Variants in PRDM2 observed in about 807,000 individuals in gnomAD.
The protein encoded by PRDM2 is PR domain zinc finger protein 2.
A neutral mutation model predicts 130.0 loss-of-function variants in PRDM2; 30 were observed. That is an observed-to-expected ratio of 0.23 (90% CI 0.17 to 0.31). The LOEUF (loss-of-function observed/expected upper bound fraction) is 0.31, where lower values mean the gene tolerates loss of function less well. PRDM2 is among the 10% of genes least tolerant of loss of function. The pLI is 1.00. For synonymous variants in PRDM2, 871 were observed against 782.4 expected (o/e 1.11, Z -1.89); for missense variants, 2,011 against 2,108.4 (o/e 0.95, Z 0.90).
Position 13,781,870 on chromosome 1 carries a change from A to G in PRDM2, c.4075A>G (p.Ser1359Gly). 6.2e-7 allele frequency: 1 copy of G among 1,614,202 alleles called. No individual in the cohort carries two copies. Among genetic ancestry groups the G allele is most frequent in the Non-Finnish European group, 8.5e-7 (1 of 1,180,026 alleles). ...ACATATCCTGGCTTGTGCTTCTGCAAGTGACAAGAAGAGGTACACGCCTAA... is the reference window on the plus strand; with the variant it reads ...ACATATCCTGGCTTGTGCTTCTGCAGGTGACAAGAAGAGGTACACGCCTAA... ...HKHILACASA[S>G]DKKRYTPKKN... is the part of the protein sequence containing the mutation. The change falls in exon 8 of 10, where the codon AGT (serine) becomes GGT (glycine). Residue 1359 changes from serine (S) to glycine (G), a missense_variant. Transcript: ENST00000311066. This position sits in a 1 kb window ranked among gnomAD's most constrained non-coding sequence, Gnocchi z 6.1.
intron 6 of PRDM2, chr1:13,770,312 T>TA (rs1295251266): frequency 4.1e-6 from 2 of 492,274 alleles, no homozygotes; most frequent in Non-Finnish European, 8.1e-6. Flanking sequence ...GAATAAAACT[T>TA]AAAATAGCAC....
At chr1:13,752,868 G>C (rs1051651344) in intron 6 of PRDM2, among the ~76,000 whole-genome samples, 2 of 152,166 alleles carry the variant, frequency 1.3e-5, no homozygotes, top group African/African-American at 4.8e-5. Flanking sequence ...TCATCATATC[G>C]ATGATGCTTG....
chr1:13,823,308 C>T lies in PRDM2; in HGVS notation c.*173C>T. On this transcript the variant is annotated 3_prime_UTR_variant, in exon 10 of 10. Transcript: ENST00000311066. ...GTGCGTGCGTGTGTGTTCACGTGTT[C>T]TCGTGCGGGCGCGTGAGTGGTCTTC... 2 of 1,188,862 alleles carry T rather than the reference C, an allele frequency of 1.7e-6. No homozygotes were observed. The highest frequency in any genetic ancestry group is 2.4e-6 in the Non-Finnish European group (2 of 818,592). 73.6% of individuals were successfully genotyped at this position (1,188,862 alleles called of 1,614,324 possible).
In PRDM2 at chr1:13,752,664, T is replaced by C. The variant is rs191011496; in HGVS notation, c.511+3177T>C. Among the ~76,000 whole-genome samples, 470 of 152,056 alleles carry C rather than the reference T, an allele frequency of 3.1e-3. 2 individuals are homozygous for C. Among genetic ancestry groups the C allele is most frequent in the Middle Eastern group, 0.01 (3 of 292 alleles). On this transcript the variant is annotated intron_variant, in intron 6 of 9. Coordinates refer to ENST00000311066, the MANE Select transcript of PRDM2 (RefSeq NM_001393986.1). ...TGTAGATTATAATAGCAGAGTGTTT[T>C]CCCTGCTCTCTCAGTTACATAAGAG...
intron 8 of PRDM2, among the ~76,000 whole-genome samples, chr1:13,785,109 G>T (rs1300664858): frequency 6.6e-6 from 1 of 152,210 alleles, no homozygotes; most frequent in Admixed American, 6.5e-5. Context: ...GTTGCCCAGG[G>T]CTCGTAGAGA....
At position 13,806,403 on chromosome 1, in the gene PRDM2, A is replaced by G. The variant is rs368687146; in HGVS notation, c.5037-10024A>G. On this transcript the variant is annotated intron_variant, in intron 8 of 9. Coordinates refer to ENST00000311066, the MANE Select transcript of PRDM2 (RefSeq NM_001393986.1). This position sits in a 1 kb window ranked among gnomAD's most constrained non-coding sequence, Gnocchi z 4.1. Reference sequence around the variant, plus strand: ...TCCACCCTCATCAGAATCTCCATTCAGCCGCCCACCTGACATCTCCCTTGG... The same window carrying G: ...TCCACCCTCATCAGAATCTCCATTCGGCCGCCCACCTGACATCTCCCTTGG... 5.3e-5 allele frequency among the ~76,000 whole-genome samples: 8 copies of G among 152,128 alleles called. No homozygotes were observed. In the South Asian group the frequency reaches 6.2e-4, roughly 12 times the overall value.
intron 8 of PRDM2, chr1:13,783,300 C>G: frequency 2.6e-6 from 1 of 379,854 alleles, no homozygotes; most frequent in Non-Finnish European, 5.2e-6. Context: ...CTGACACTTT[C>G]TTTCAGAATT....
chr1:13,807,305 G>A lies in PRDM2; in HGVS notation c.5037-9122G>A, dbSNP rs143580768. 4.3e-3 allele frequency among the ~76,000 whole-genome samples: 651 copies of A among 152,322 alleles called. 3 individuals carry two copies. The highest frequency in any genetic ancestry group is 0.01 in the Admixed American group (153 of 15,296). On this transcript the variant is annotated intron_variant, in intron 8 of 9. Coordinates refer to ENST00000311066, the MANE Select transcript of PRDM2 (RefSeq NM_001393986.1). ...GCACCTGGCACAGAATAGACACACC[G>A]TTCACCTGACAAATAGTAGATGACT...
Position 13,780,819 on chromosome 1 carries a change from C to G in PRDM2, c.3024C>G (p.Pro1008=). The G allele has an allele frequency of 6.2e-7, 1 of 1,603,044 alleles. No individual in the cohort carries two copies. The highest frequency in any genetic ancestry group is 8.5e-7 in the Non-Finnish European group (1 of 1,172,648). The change falls in exon 8 of 10, where the codon CCC becomes CCG. Residue 1008 remains proline, a synonymous_variant. Transcript: ENST00000311066. ...PSSSASPHPC[P]SPLSNATAQS... is the part of the protein sequence containing the mutation. ...CCAGTGCATCTCCACACCCATGCCCCTCTCCACTCTCAAATGCCACCGCAC... is the reference window on the plus strand; with the variant it reads ...CCAGTGCATCTCCACACCCATGCCCGTCTCCACTCTCAAATGCCACCGCAC...
rs1447567487 is a variant in PRDM2 at position 13,782,328 on chromosome 1, C to T, written c.4533C>T (p.Ser1511=). Reference sequence around the variant, plus strand: ...CAAGTAGTGACAAAAACAGTAACAGCAACCACCGCAGACGGACAGCGGATG... The same window carrying T: ...CAAGTAGTGACAAAAACAGTAACAGTAACCACCGCAGACGGACAGCGGATG... ...SPASSDKNSN[S]NHRRRTADAE... is the part of the protein sequence containing the mutation. Residue 1511 remains serine (S), a synonymous_variant, in exon 8 of 10, where the codon AGC becomes AGT. Coordinates refer to ENST00000311066, the MANE Select transcript of PRDM2 (RefSeq NM_001393986.1). 14 of 1,614,096 alleles carry T rather than the reference C, an allele frequency of 8.7e-6. No homozygotes were observed. The highest frequency in any genetic ancestry group is 1.2e-5 in the Non-Finnish European group (14 of 1,180,006).
At position 13,768,161 on chromosome 1, in the gene PRDM2, T is replaced by A. The variant is rs1399134045; in HGVS notation, c.512-4917T>A. On this transcript the variant is annotated intron_variant, in intron 6 of 9. Transcript: ENST00000311066. ...GGCGTGATCTCGGCTCACTGCAAGC[T>A]CCACCTCCCGGGTTCACGCCATTCT... Among the ~76,000 whole-genome samples, 5 of 143,716 alleles carry A rather than the reference T, an allele frequency of 3.5e-5. No individual in the cohort carries two copies. In the East Asian group the frequency reaches 1.1e-3, roughly 33 times the overall value. 94.3% of individuals were successfully genotyped at this position (143,716 alleles called of 152,430 possible).
At chr1:13,753,447 A>G (rs1391989391) in intron 6 of PRDM2, among the ~76,000 whole-genome samples, 1 of 152,192 alleles carries the variant, frequency 6.6e-6, no homozygotes, top group East Asian at 1.9e-4. Context: ...GCAAAGTAAT[A>G]TTTTATCTGT....
chr1:13,779,299 C>T lies in PRDM2; in HGVS notation c.1504C>T (p.Gln502Ter). Reference sequence around the variant, plus strand: ...AACTCATACTAATATGAGACGGCATCAGCGTAGAGTTCACGAACGTCATCT... The same window carrying T: ...AACTCATACTAATATGAGACGGCATTAGCGTAGAGTTCACGAACGTCATCT... ...FGTHTNMRRH[Q>*]RRVHERHLIP... is the part of the protein sequence containing the mutation. Residue 502 changes from glutamine to a stop codon, truncating the protein, a stop_gained, in exon 8 of 10, where the codon CAG becomes TAG. Transcript: ENST00000311066. LOFTEE classifies it high-confidence loss of function. The surrounding 1 kb of genome is among the most constrained non-coding windows in gnomAD (Gnocchi z 4.9). 6.2e-7 allele frequency: 1 copy of T among 1,614,082 alleles called. No individual in the cohort carries two copies. Among genetic ancestry groups the T allele is most frequent in the Non-Finnish European group, 8.5e-7 (1 of 1,179,974 alleles).
chr1:13,818,545 A>AT (rs60773281), intron 9 of PRDM2, among the ~76,000 whole-genome samples: 99,792 of 143,510 alleles, frequency 0.7, 34,976 homozygotes, highest in Middle Eastern at 0.82. Flanking sequence ...CTCCTGGCTA[A>AT]TTTTTTTTTT....
chr1:13,761,999 C>T (rs533075385), intron 6 of PRDM2, among the ~76,000 whole-genome samples: 2 of 152,310 alleles, frequency 1.3e-5, no homozygotes, highest in Admixed American at 1.3e-4. Flanking sequence ...GGAAGCAGAA[C>T]GCCATTGTCT....
intron 6 of PRDM2, among the ~76,000 whole-genome samples, chr1:13,764,294 A>C (rs1378525175): frequency 6.6e-6 from 1 of 152,152 alleles, no homozygotes; most frequent in Non-Finnish European, 1.5e-5. Flanking sequence ...TTGCCTCGTC[A>C]CTATTTATAT....
chr1:13,702,935 C>G (rs1042503176), intron 1 of PRDM2, among the ~76,000 whole-genome samples: 1 of 152,116 alleles, frequency 6.6e-6, no homozygotes, highest in African/African-American at 2.4e-5. Flanking sequence ...AAGGGAGTTT[C>G]CAGATGATGA....
intron 2 of PRDM2, among the ~76,000 whole-genome samples, chr1:13,726,306 AG>A (rs1437262806): frequency 5.9e-5 from 9 of 152,230 alleles, no homozygotes; most frequent in Admixed American, 6.5e-5. Context: ...CAGCATGGAA[AG>A]GTCATCCTGG....
chr1:13,710,984 C>T (rs1441308236), intron 1 of PRDM2, among the ~76,000 whole-genome samples: 1 of 151,542 alleles, frequency 6.6e-6, no homozygotes, highest in Non-Finnish European at 1.5e-5. Context: ...ACTCGGGAGG[C>T]TGAGGCAGGA....
Sources: gnomAD v4.1 joint callset for allele counts (sites outside exome capture counted in the v4.1 genomes callset) on GRCh38, gnomAD v4.1.1 for gene constraint, Gnocchi (gnomAD v3.1) non-coding constraint, MANE v1.5 for transcripts, NCBI Gene and HGNC (gene_info 2026-07-23, HGNC 2026-07-21) for gene names.